The following STXBP5L variants were observed in gnomAD, a reference collection of about 807,000 sequenced individuals.
The protein encoded by STXBP5L is syntaxin-binding protein 5-like.
A neutral mutation model predicts 144.5 loss-of-function variants in STXBP5L; 65 were observed. The observed-to-expected ratio is 0.45, with a 90% CI of 0.37 to 0.55. The LOEUF (loss-of-function observed/expected upper bound fraction) is 0.55, where lower values mean the gene tolerates loss of function less well. STXBP5L is among the 20% of genes least tolerant of loss of function. The pLI is 0.00. For missense variants in STXBP5L, 1,298 were observed against 1,405.5 expected (o/e 0.92, Z 1.22); for synonymous variants, 505 against 469.6 (o/e 1.08, Z -0.97).
intron 14 of STXBP5L, among the ~76,000 whole-genome samples, chr3:121,240,758 T>C (rs2049638880): frequency 6.6e-6 from 1 of 152,168 alleles, no homozygotes; most frequent in Non-Finnish European, 1.5e-5. Flanking sequence ...TCATGAGATA[T>C]TAGTCTTCAT....
intron 18 of STXBP5L, among the ~76,000 whole-genome samples, chr3:121,268,912 T>A (rs909889439): frequency 6.6e-6 from 1 of 152,194 alleles, no homozygotes; most frequent in African/African-American, 2.4e-5. Flanking sequence ...TTCTGTATTA[T>A]TTATGTCATT....
At chr3:121,276,864 T>C (rs2050901799) in intron 18 of STXBP5L, among the ~76,000 whole-genome samples, 1 of 151,978 alleles carries the variant, frequency 6.6e-6, no homozygotes, top group Admixed American at 6.6e-5. Flanking sequence ...GTTTCTATTA[T>C]CTGCAGGCTT....
chr3:120,989,622 C>G (rs1004473488), intron 3 of STXBP5L, among the ~76,000 whole-genome samples: 2 of 152,022 alleles, frequency 1.3e-5, no homozygotes, highest in Admixed American at 6.6e-5. Context: ...AAATTGGGGA[C>G]TATAACTCGA....
At chr3:121,022,727 C>A (rs1048910933) in intron 3 of STXBP5L, among the ~76,000 whole-genome samples, 1 of 152,048 alleles carries the variant, frequency 6.6e-6, no homozygotes, top group Non-Finnish European at 1.5e-5. Context: ...TGATTAAAAC[C>A]CTCAGTAAAA....
chr3:120,993,364 C>T lies in STXBP5L; in HGVS notation c.287+38327C>T, dbSNP rs572167529. On this transcript the variant is annotated intron_variant, in intron 3 of 26. Coordinates refer to ENST00000471454, the MANE Select transcript of STXBP5L (RefSeq NM_001308330.2). ...TTTTTGTTGCGTATGCTTTTACAGT[C>T]TTTCTTAATAAATCATTTCTTATAC... 4.6e-5 allele frequency among the ~76,000 whole-genome samples: 7 copies of T among 151,918 alleles called. No homozygotes were observed. The East Asian group carries it at 1.3e-3, about 29-fold the overall frequency.
At chr3:121,345,111 C>T (rs964808695) in intron 20 of STXBP5L, among the ~76,000 whole-genome samples, 21 of 151,824 alleles carry the variant, frequency 1.4e-4, no homozygotes, top group African/African-American at 2.7e-4. Context: ...CTGCACCCAT[C>T]GACTCATTAT....
chr3:120,980,868 C>A (rs181144423), intron 3 of STXBP5L, among the ~76,000 whole-genome samples: 3 of 152,222 alleles, frequency 2.0e-5, no homozygotes, highest in Non-Finnish European at 1.5e-5. Context: ...TTTTGAACTC[C>A]ATTGAAAATT....
intron 3 of STXBP5L, among the ~76,000 whole-genome samples, chr3:120,996,425 C>T (rs1401061824): frequency 6.6e-6 from 1 of 151,960 alleles, no homozygotes; most frequent in African/African-American, 2.4e-5. Context: ...ATTAACATAT[C>T]TTTGTCTTCA....
chr3:121,072,840 T>G (rs1356251598), intron 5 of STXBP5L, among the ~76,000 whole-genome samples: 1 of 152,328 alleles, frequency 6.6e-6, no homozygotes, highest in Non-Finnish European at 1.5e-5. Flanking sequence ...TATTTTTGAT[T>G]TCCTTTCCTT....
At chr3:121,081,803 G>A (rs1179659276) in intron 5 of STXBP5L, among the ~76,000 whole-genome samples, 1 of 152,118 alleles carries the variant, frequency 6.6e-6, no homozygotes, top group Non-Finnish European at 1.5e-5. Flanking sequence ...CTCTCAATTA[G>A]GTGTGGAGAG....
intron 23 of STXBP5L, 49 bp from the exon 24 acceptor site, chr3:121,413,109 G>C (rs756532308): frequency 7.5e-7 from 1 of 1,340,280 alleles, no homozygotes; most frequent in South Asian, 1.9e-5. Flanking sequence ...GTAAATATCT[G>C]CTTCTAACAA....
intron 7 of STXBP5L, among the ~76,000 whole-genome samples, chr3:121,122,388 C>A (rs2044507711): frequency 6.6e-6 from 1 of 151,040 alleles, no homozygotes; most frequent in African/African-American, 2.4e-5. Flanking sequence ...CAATGTAATT[C>A]CAATCAGGTG....
At position 121,259,143 on chromosome 3, in the gene STXBP5L, C is replaced by T. The variant is rs2050304776; in HGVS notation, c.1933C>T (p.Leu645Phe). The T allele has an allele frequency of 6.3e-7, 1 of 1,593,876 alleles. No individual in the cohort carries two copies. Among genetic ancestry groups the T allele is most frequent in the African/African-American group, 1.3e-5 (1 of 74,270 alleles). ...DGEPPQQITS[L>F]AVSSAYGIVA... Reference sequence around the variant, plus strand: ...TGAACCTCCACAACAGATTACTAGTCTTGCTGTAAGCTCAGCATATGGAAT... The same window carrying T: ...TGAACCTCCACAACAGATTACTAGTTTTGCTGTAAGCTCAGCATATGGAAT... The change falls in exon 18 of 27, where the codon CTT becomes TTT. Residue 645 changes from leucine to phenylalanine, a missense_variant. Leu to Phe is a conservative substitution (Grantham distance 22). Transcript: ENST00000471454.
At chr3:121,291,234 A>G (rs1281466536) in intron 19 of STXBP5L, among the ~76,000 whole-genome samples, 1 of 152,128 alleles carries the variant, frequency 6.6e-6, no homozygotes, top group Non-Finnish European at 1.5e-5. Context: ...ACACAAATCA[A>G]TAGCACTGCT....
intron 10 of STXBP5L, 118 bp from the exon 11 acceptor site, chr3:121,222,885 T>G (rs970200465): frequency 5.7e-5 from 66 of 1,156,176 alleles, no homozygotes; most frequent in Non-Finnish European, 7.6e-5. Flanking sequence ...GGGCAAGTTT[T>G]TTGCTGTCTG....
chr3:121,154,715 T>A (rs1267870417), intron 8 of STXBP5L, among the ~76,000 whole-genome samples: 2 of 151,816 alleles, frequency 1.3e-5, no homozygotes, highest in Non-Finnish European at 3.0e-5. Flanking sequence ...TCTTGAACTC[T>A]AGATCTAAAT....
intron 20 of STXBP5L, among the ~76,000 whole-genome samples, chr3:121,321,525 C>T (rs989007843): frequency 6.6e-6 from 1 of 152,196 alleles, no homozygotes; most frequent in South Asian, 2.1e-4. Context: ...TCTGTAATCT[C>T]TTGCTGTTGT....
chr3:121,330,892 C>A (rs2108557841), intron 20 of STXBP5L, among the ~76,000 whole-genome samples: 1 of 152,338 alleles, frequency 6.6e-6, no homozygotes, highest in South Asian at 2.1e-4. Context: ...ACCAAGGAAT[C>A]TCACAGAATC....
intron 20 of STXBP5L, among the ~76,000 whole-genome samples, chr3:121,325,961 T>A (rs1389836613): frequency 6.6e-6 from 1 of 151,642 alleles, no homozygotes; most frequent in South Asian, 2.1e-4. Flanking sequence ...GTCCTCTGAT[T>A]ATTTGGCCCA....
Sources: gnomAD v4.1 joint callset for allele counts (sites outside exome capture counted in the v4.1 genomes callset) on GRCh38, gnomAD v4.1.1 for gene constraint, MANE v1.5 for transcripts, NCBI Gene and HGNC (gene_info 2026-07-23, HGNC 2026-07-21) for gene names.